Variants in ZNF407 observed in about 807,000 individuals in gnomAD.
ZNF407 encodes zinc finger protein 407.
ZNF407 carries 17 observed loss-of-function variants against 131.2 expected under a neutral mutation model. That is an observed-to-expected ratio of 0.13 (90% CI 0.09 to 0.19). The LOEUF is 0.19. ZNF407 is among the 10% of genes least tolerant of loss of function. ZNF407 has a pLI of 1.00. For missense variants in ZNF407, 2,681 were observed against 2,830.6 expected, an observed-to-expected ratio of 0.95 and a Z score of 1.20; for synonymous variants, 1,156 against 1,062.0, an observed-to-expected ratio of 1.09 and a Z score of -1.72.
chr18:74,598,454 G>C (rs1982410506), intron 1 of ZNF407: 1 of 152,328 alleles, frequency 6.6e-6, no homozygotes, highest in African/African-American at 2.4e-5. Flanking sequence ...GAAAACAGAT[G>C]CTCCCCTAGC....
At chr18:74,662,073 T>C (rs1408324607) in intron 3 of ZNF407, among the ~76,000 whole-genome samples, 1 of 151,626 alleles carries the variant, frequency 6.6e-6, no homozygotes, top group East Asian at 1.9e-4. Context: ...TCAACTGGAA[T>C]GCAGCAAAGC....
chr18:74,718,680 C>T (rs971903149), intron 3 of ZNF407, among the ~76,000 whole-genome samples: 1 of 152,068 alleles, frequency 6.6e-6, no homozygotes, highest in Non-Finnish European at 1.5e-5. Flanking sequence ...TTTATTTTTG[C>T]ATTATTGTAA....
At chr18:74,746,269 G>A (rs529703575) in intron 3 of ZNF407, among the ~76,000 whole-genome samples, 120 of 152,274 alleles carry the variant, frequency 7.9e-4, no homozygotes, top group African/African-American at 2.8e-3. Flanking sequence ...GGCTCTGGAT[G>A]AGTGAGTGGT....
chr18:74,761,777 C>T lies in ZNF407; in HGVS notation c.4803-19651C>T, dbSNP rs147219279. Among the ~76,000 whole-genome samples the T allele has an allele frequency of 3.4e-3, 520 of 152,162 alleles. 11 individuals carry two copies. The highest frequency in any genetic ancestry group is 1.1e-3 in the Non-Finnish European group (73 of 67,990). ...TATGAATCATATTCAGTTCTTAAAC[C>T]ACACATTTTTGGTAATTTTGGTATT... On this transcript the variant is annotated intron_variant, in intron 3 of 8. Coordinates refer to ENST00000299687, the MANE Select transcript of ZNF407 (RefSeq NM_017757.3).
rs1036442004 is a variant in ZNF407 at position 74,703,151 on chromosome 18, C to T, written c.4802+62029C>T. On this transcript the variant is annotated intron_variant, in intron 3 of 8. Coordinates refer to ENST00000299687, the MANE Select transcript of ZNF407 (RefSeq NM_017757.3). This position sits in a 1 kb window ranked among gnomAD's most constrained non-coding sequence, Gnocchi z 4.1. Reference sequence around the variant, plus strand: ...CAAATGAGGTGACTCAGCAGAGAGGCGAGGTGGTGTGAGAGCTACAAGTGA... The same window carrying T: ...CAAATGAGGTGACTCAGCAGAGAGGTGAGGTGGTGTGAGAGCTACAAGTGA... Among the ~76,000 whole-genome samples the T allele has an allele frequency of 2.0e-5, 3 of 152,202 alleles. No individual in the cohort carries two copies. Among genetic ancestry groups the T allele is most frequent in the Non-Finnish European group, 2.9e-5 (2 of 68,034 alleles).
chr18:74,638,742 C>T (rs988880454), intron 2 of ZNF407, among the ~76,000 whole-genome samples: 2 of 152,122 alleles, frequency 1.3e-5, no homozygotes, highest in Non-Finnish European at 2.9e-5. Context: ...AGGAATGGAA[C>T]TGTTGCAAAT....
At chr18:75,023,821 A>C (rs891476087) in intron 8 of ZNF407, among the ~76,000 whole-genome samples, 1 of 152,204 alleles carries the variant, frequency 6.6e-6, no homozygotes, top group Non-Finnish European at 1.5e-5. Context: ...TTAGATTACT[A>C]TATTTAGCTT....
intron 3 of ZNF407, among the ~76,000 whole-genome samples, chr18:74,753,903 A>G (rs963573591): frequency 1.1e-4 from 16 of 151,882 alleles, no homozygotes; most frequent in South Asian, 4.1e-4. Context: ...CTCTTTTTCT[A>G]TTGATTGGAA....
At chr18:74,709,404 T>A (rs1239858331) in intron 3 of ZNF407, among the ~76,000 whole-genome samples, 1 of 152,238 alleles carries the variant, frequency 6.6e-6, no homozygotes, top group Non-Finnish European at 1.5e-5. Context: ...CAAAAATCCT[T>A]GTGTTGCATT....
chr18:74,631,373 T>C lies in ZNF407; in HGVS notation c.354T>C (p.Ser118=). 1 of 1,613,940 alleles carries C rather than the reference T, an allele frequency of 6.2e-7. No homozygotes were observed. Among genetic ancestry groups the C allele is most frequent in the Non-Finnish European group, 8.5e-7 (1 of 1,179,864 alleles). The change falls in exon 2 of 9, where the codon AGT becomes AGC. Residue 118 remains serine (S), a synonymous_variant. Coordinates refer to ENST00000299687, the MANE Select transcript of ZNF407 (RefSeq NM_017757.3). ...LDETGKETFL[S]DCTVGGTCLP... is the part of the protein sequence containing the mutation. ...AAACAGGGAAGGAGACCTTTCTGAG[T>C]GACTGCACAGTTGGAGGCACATGTC...
chr18:74,670,853 A>G (rs530284310), intron 3 of ZNF407, among the ~76,000 whole-genome samples: 3 of 152,080 alleles, frequency 2.0e-5, no homozygotes, highest in Non-Finnish European at 4.4e-5. Context: ...TTTCATAGAG[A>G]TAGGGTTTTG....
At chr18:74,647,444 TA>T (rs529450595) in intron 3 of ZNF407, among the ~76,000 whole-genome samples, 15 of 149,446 alleles carry the variant, frequency 1.0e-4, no homozygotes, top group Non-Finnish European at 1.6e-4. Context: ...ACCCCGTCTC[TA>T]AAAAAAAAAT....
At chr18:74,781,534 A>G (rs910476173) in intron 4 of ZNF407, 32 bp downstream of exon 4, 26 of 1,444,976 alleles carry the variant, frequency 1.8e-5, no homozygotes, top group African/African-American at 2.9e-5. Context: ...TCATTTAAAA[A>G]TACAATTTGA....
chr18:74,872,570 T>G (rs1971102246), intron 4 of ZNF407, among the ~76,000 whole-genome samples: 1 of 151,940 alleles, frequency 6.6e-6, no homozygotes, highest in Admixed American at 6.6e-5. Context: ...GAGACCATTG[T>G]GGCCAACATG....
At chr18:74,642,636 G>A (rs1437201374) in intron 3 of ZNF407, among the ~76,000 whole-genome samples, 3 of 152,016 alleles carry the variant, frequency 2.0e-5, no homozygotes, top group African/African-American at 2.4e-5. Context: ...ACAATTGATC[G>A]GCATTAGTTG....
intron 8 of ZNF407, among the ~76,000 whole-genome samples, chr18:74,987,766 G>T (rs1050630341): frequency 1.3e-5 from 2 of 152,064 alleles, no homozygotes; most frequent in Non-Finnish European, 2.9e-5. Context: ...TTCAAGACCT[G>T]TACAATAAAA....
chr18:74,838,525 A>G (rs909195456), intron 4 of ZNF407, among the ~76,000 whole-genome samples: 2 of 151,904 alleles, frequency 1.3e-5, no homozygotes, highest in African/African-American at 4.8e-5. Context: ...AATCTAGACA[A>G]CTGTGTTGAC....
intron 4 of ZNF407, among the ~76,000 whole-genome samples, chr18:74,849,205 A>G (rs1308169576): frequency 6.6e-6 from 1 of 151,292 alleles, no homozygotes; most frequent in Non-Finnish European, 1.5e-5. Context: ...CAGCCTCCCA[A>G]GTAGCTGGGA....
intron 3 of ZNF407, among the ~76,000 whole-genome samples, chr18:74,700,527 T>C (rs963061605): frequency 2.6e-5 from 4 of 152,172 alleles, no homozygotes; most frequent in Non-Finnish European, 5.9e-5. Flanking sequence ...TCATTTCCTC[T>C]AGTCTTCTCC....
Sources: allele counts gnomAD v4.1 joint callset (sites outside exome capture counted in the v4.1 genomes callset), GRCh38; gene constraint gnomAD v4.1.1; non-coding constraint Gnocchi (gnomAD v3.1); transcripts MANE v1.5; gene names NCBI Gene and HGNC (gene_info 2026-07-23, HGNC 2026-07-21).